Variants in GDAP1 observed in about 807,000 individuals in gnomAD.
GDAP1 encodes ganglioside-induced differentiation-associated protein 1.
GDAP1 carries 34 observed loss-of-function variants against 40.1 expected under a neutral mutation model. That is an observed-to-expected ratio of 0.85 (90% CI 0.64 to 1.13). The LOEUF is 1.13. Among genes scored for constraint, GDAP1 ranks in the 50% most tolerant of loss-of-function variants. The pLI is 0.00. For synonymous variants in GDAP1, 170 were observed against 157.4 expected (o/e 1.08, Z -0.60); for missense variants, 374 against 433.7 (o/e 0.86, Z 1.22).
intron 2 of GDAP1, among the ~76,000 whole-genome samples, chr8:74,446,813 C>T (rs1010870092): frequency 6.6e-6 from 1 of 152,120 alleles, no homozygotes; most frequent in African/African-American, 2.4e-5. Context: ...ACATAAAAGA[C>T]CGTGTAACAC....
At chr8:74,356,900 A>C (rs951716668) in intron 2 of GDAP1, among the ~76,000 whole-genome samples, 2 of 151,692 alleles carry the variant, frequency 1.3e-5, no homozygotes, top group African/African-American at 4.8e-5. Context: ...ATTTTAGTAG[A>C]GACGGGGTTT....
chr8:74,385,786 TA>T (rs1810016811), intron 2 of GDAP1, among the ~76,000 whole-genome samples: 1 of 152,202 alleles, frequency 6.6e-6, no homozygotes, highest in South Asian at 2.1e-4. Context: ...GTGGTTGAAC[TA>T]ATTTAAACTC....
chr8:74,439,611 T>G (rs1806136308), intron 2 of GDAP1, among the ~76,000 whole-genome samples: 1 of 151,922 alleles, frequency 6.6e-6, no homozygotes, highest in Non-Finnish European at 1.5e-5. Context: ...TTTTGTTTGT[T>G]TGTTTTTTTT....
At chr8:74,396,690 G>A (rs182932699) in intron 2 of GDAP1, among the ~76,000 whole-genome samples, 16 of 151,970 alleles carry the variant, frequency 1.1e-4, no homozygotes, top group African/African-American at 2.9e-4. Flanking sequence ...TGAACTCATC[G>A]TTTTTTCTGG....
chr8:74,366,912 TA>T (rs942198238), downstream of GDAP1: 6 of 383,348 alleles, frequency 1.6e-5, no homozygotes, highest in African/African-American at 8.5e-5. Flanking sequence ...AAAACAGATA[TA>T]TTTTTTTCAT....
At chr8:74,384,634 C>T (rs1268716977) in intron 2 of GDAP1, among the ~76,000 whole-genome samples, 1 of 152,148 alleles carries the variant, frequency 6.6e-6, no homozygotes, top group African/African-American at 2.4e-5. Context: ...CCCCAAACCT[C>T]TAGAAATAAA....
chr8:74,468,011 A>G (rs1413958309), intron 2 of GDAP1, among the ~76,000 whole-genome samples: 1 of 152,032 alleles, frequency 6.6e-6, no homozygotes, highest in Non-Finnish European at 1.5e-5. Context: ...TTGTCTTAAA[A>G]TCATCTGTTG....
intron 2 of GDAP1, among the ~76,000 whole-genome samples, chr8:74,467,557 A>G (rs1410724282): frequency 6.6e-6 from 1 of 152,204 alleles, no homozygotes; most frequent in African/African-American, 2.4e-5. Context: ...AGGCAGTGCA[A>G]TCAGTAGGGC....
chr8:74,380,070 G>A (rs1809922938), intron 2 of GDAP1, among the ~76,000 whole-genome samples: 1 of 152,184 alleles, frequency 6.6e-6, no homozygotes, highest in African/African-American at 2.4e-5. Context: ...TGGGGTCAGA[G>A]CAAGAGGTGG....
chr8:74,477,901 G>T (rs1342988064), intron 2 of GDAP1, among the ~76,000 whole-genome samples: 2 of 152,172 alleles, frequency 1.3e-5, no homozygotes, highest in Non-Finnish European at 2.9e-5. Flanking sequence ...GGTTGGGGTG[G>T]TGCTGTCCCC....
At chr8:74,449,907 G>A in intron 2 of GDAP1, among the ~76,000 whole-genome samples, 1 of 151,624 alleles carries the variant, frequency 6.6e-6, no homozygotes, top group East Asian at 1.9e-4. Flanking sequence ...GCATCTTTTA[G>A]GTGATCATAT....
At chr8:74,471,487 A>G (rs1442921238) in intron 2 of GDAP1, among the ~76,000 whole-genome samples, 1 of 148,670 alleles carries the variant, frequency 6.7e-6, no homozygotes, top group Non-Finnish European at 1.5e-5. Context: ...TTTGTTTTCT[A>G]TTGGTTTATT....
chr8:74,384,014 A>T (rs1809991422), intron 2 of GDAP1, among the ~76,000 whole-genome samples: 1 of 152,194 alleles, frequency 6.6e-6, no homozygotes, highest in Non-Finnish European at 1.5e-5. Flanking sequence ...TGCCTCTGAA[A>T]TGATGAGAAT....
rs1277983373 is a variant in GDAP1, at chr8:74,366,237, T to C, written c.*1870T>C. The C allele has an allele frequency of 8.8e-6, 4 of 454,172 alleles. No homozygotes were observed. The East Asian group carries it at 2.8e-4, about 32-fold the overall frequency. 28.1% of individuals were successfully genotyped at this position (454,172 alleles called of 1,614,324 possible). ...GCAATTTCATATATTTCATGGATAC[T>C]TGAGTTTGTGCTTTTAAGGTGTTTG... On this transcript the variant is annotated 3_prime_UTR_variant, in exon 6 of 6. Coordinates refer to ENST00000220822, the MANE Select transcript of GDAP1 (RefSeq NM_018972.4).
At chr8:74,471,538 A>C (rs947318772) in intron 2 of GDAP1, among the ~76,000 whole-genome samples, 2 of 151,912 alleles carry the variant, frequency 1.3e-5, no homozygotes, top group Non-Finnish European at 2.9e-5. Context: ...TATTTTAAAT[A>C]TTTAAATGAT....
intron 2 of GDAP1, among the ~76,000 whole-genome samples, chr8:74,460,468 C>T (rs1333241293): frequency 6.6e-6 from 1 of 152,200 alleles, no homozygotes; most frequent in East Asian, 1.9e-4. Flanking sequence ...GCCAATTTTA[C>T]TAAAACATAT....
At chr8:74,465,022 C>G (rs1043281297) in intron 2 of GDAP1, among the ~76,000 whole-genome samples, 1 of 152,046 alleles carries the variant, frequency 6.6e-6, no homozygotes, top group Non-Finnish European at 1.5e-5. Context: ...GAGTTCGAGA[C>G]CAGCCTGGGC....
At chr8:74,390,812 A>G (rs1810097157) in intron 2 of GDAP1, among the ~76,000 whole-genome samples, 1 of 152,182 alleles carries the variant, frequency 6.6e-6, no homozygotes, top group Admixed American at 6.5e-5. Flanking sequence ...GCTCTGTCCC[A>G]GGGAGATGGG....
chr8:74,438,215 A>G (rs1161438791), intron 2 of GDAP1, among the ~76,000 whole-genome samples: 2 of 152,110 alleles, frequency 1.3e-5, no homozygotes, highest in East Asian at 1.9e-4. Context: ...GGTTACAGTG[A>G]GCCAATATCA....
Sources: allele counts gnomAD v4.1 joint callset (sites outside exome capture counted in the v4.1 genomes callset), GRCh38; gene constraint gnomAD v4.1.1; transcripts MANE v1.5; gene names NCBI Gene and HGNC (gene_info 2026-07-23, HGNC 2026-07-21).